The following CCDC6 variants were observed in gnomAD, a reference collection of about 807,000 sequenced individuals.
CCDC6 encodes coiled-coil domain containing 6.
CCDC6 carries 20 observed loss-of-function variants against 56.6 expected under a neutral mutation model. The ratio of observed to expected loss-of-function variants is 0.35; its 90% confidence interval spans 0.25 to 0.51. The LOEUF (loss-of-function observed/expected upper bound fraction) is 0.51, where lower values mean the gene tolerates loss of function less well. CCDC6 is among the 20% of genes least tolerant of loss of function. The pLI, the probability that CCDC6 is intolerant of heterozygous loss-of-function variation, is 0.95. For missense variants in CCDC6, 367 were observed against 601.1 expected (o/e 0.61, Z 4.07); for synonymous variants, 241 against 234.4 (o/e 1.03, Z -0.26).
chr10:59,831,037 G>A (rs1490170617), intron 3 of CCDC6, among the ~76,000 whole-genome samples: 1 of 152,152 alleles, frequency 6.6e-6, no homozygotes, highest in African/African-American at 2.4e-5. Flanking sequence ...GGTGTGTCAG[G>A]GACTTAAACA....
intron 3 of CCDC6, 58 bp from the exon 4 acceptor site, chr10:59,814,813 A>AT: frequency 1.1e-5 from 12 of 1,129,322 alleles, no homozygotes; most frequent in Non-Finnish European, 1.6e-5. Flanking sequence ...TTGTTAATAC[A>AT]TTTTTTGATT....
intron 1 of CCDC6, among the ~76,000 whole-genome samples, chr10:59,857,449 G>A (rs1431247087): frequency 6.6e-6 from 1 of 152,182 alleles, no homozygotes; most frequent in African/African-American, 2.4e-5. Flanking sequence ...TCAAGGGTTA[G>A]TACAGAAAGA....
chr10:59,822,409 T>A (rs958588621), intron 3 of CCDC6, among the ~76,000 whole-genome samples: 1 of 152,238 alleles, frequency 6.6e-6, no homozygotes, highest in African/African-American at 2.4e-5. Context: ...GAAATTTGCA[T>A]ACTGGGTTCA....
chr10:59,871,306 C>T (rs1416144802), intron 1 of CCDC6, among the ~76,000 whole-genome samples: 2 of 151,926 alleles, frequency 1.3e-5, no homozygotes, highest in African/African-American at 4.8e-5. Context: ...GAGCTAAGAA[C>T]ACCGCCTTGT....
chr10:59,798,991 CAAAA>C (rs34505959), intron 7 of CCDC6, among the ~76,000 whole-genome samples: 11 of 76,978 alleles, frequency 1.4e-4, no homozygotes, highest in South Asian at 5.5e-4. Flanking sequence ...AAGACTGTTT[CAAAA>C]AAAAAAAAAA....
At chr10:59,807,115 T>G in intron 5 of CCDC6, 37 bp from the exon 6 acceptor site, 5 of 1,593,824 alleles carry the variant, frequency 3.1e-6, no homozygotes, top group Non-Finnish European at 3.4e-6. Context: ...CCATGTTTCA[T>G]GCAATCATAT....
At chr10:59,838,228 T>TCTCACACA (rs1554884401) in intron 2 of CCDC6, among the ~76,000 whole-genome samples, 6 of 151,096 alleles carry the variant, frequency 4.0e-5, no homozygotes, top group Non-Finnish European at 8.9e-5. Context: ...ATAACAGCTG[T>TCTCACACA]CACACACACA....
At chr10:59,882,769 G>A (rs893340433) in intron 1 of CCDC6, among the ~76,000 whole-genome samples, 1 of 152,150 alleles carries the variant, frequency 6.6e-6, no homozygotes, top group African/African-American at 2.4e-5. Context: ...GACCATTCTG[G>A]GTAACACAGT....
At position 59,862,395 on chromosome 10, in the gene CCDC6, T is replaced by C. The variant is rs182592064; in HGVS notation, c.304-9693A>G. On this transcript the variant is annotated intron_variant, in intron 1 of 8. Coordinates refer to ENST00000263102, the MANE Select transcript of CCDC6 (RefSeq NM_005436.5). ...CTCAGCTACTCAGGAGGTTGAGGCA[T>C]AAGAATCGCTTGAACCCAGGAGGCA... is the stretch of plus-strand genomic sequence containing the variant. 1.0e-4 allele frequency among the ~76,000 whole-genome samples: 15 copies of C among 150,748 alleles called. No homozygotes were observed. In the East Asian group the frequency reaches 2.7e-3, roughly 28 times the overall value.
At chr10:59,903,889 C>G (rs1259129076) in intron 1 of CCDC6, among the ~76,000 whole-genome samples, 1 of 152,176 alleles carries the variant, frequency 6.6e-6, no homozygotes, top group African/African-American at 2.4e-5. Context: ...GCATTACATA[C>G]CTGAGAGGTC....
chr10:59,881,306 G>T (rs1236580436), intron 1 of CCDC6, among the ~76,000 whole-genome samples: 1 of 152,092 alleles, frequency 6.6e-6, no homozygotes, highest in African/African-American at 2.4e-5. Context: ...GCCAGAGTGT[G>T]ATGTGTCCTG....
intron 1 of CCDC6, among the ~76,000 whole-genome samples, chr10:59,882,785 C>T (rs1028575691): frequency 6.6e-6 from 1 of 152,072 alleles, no homozygotes; most frequent in Non-Finnish European, 1.5e-5. Flanking sequence ...ACAGTGAAAC[C>T]CCGCCTCTAG....
chr10:59,821,236 C>T (rs1331399553), intron 3 of CCDC6, among the ~76,000 whole-genome samples: 1 of 152,176 alleles, frequency 6.6e-6, no homozygotes, highest in Admixed American at 6.5e-5. Flanking sequence ...AAGTGACTAA[C>T]AGAATTCATG....
intron 1 of CCDC6, among the ~76,000 whole-genome samples, chr10:59,897,110 G>A (rs1254506626): frequency 6.6e-6 from 1 of 152,086 alleles, no homozygotes; most frequent in Non-Finnish European, 1.5e-5. Context: ...AAGATTAGTA[G>A]GGCTACTAAA....
intron 1 of CCDC6, among the ~76,000 whole-genome samples, chr10:59,894,854 T>C (rs184935492): frequency 2.6e-5 from 4 of 152,226 alleles, no homozygotes; most frequent in Admixed American, 2.6e-4. Context: ...TAGTGTTATT[T>C]CTTTTCCAAG....
At chr10:59,834,705 A>G (rs2070866689) in intron 2 of CCDC6, among the ~76,000 whole-genome samples, 1 of 152,140 alleles carries the variant, frequency 6.6e-6, no homozygotes, top group Admixed American at 6.5e-5. Context: ...TCTTGCAGGG[A>G]CCCAAGAGAA....
chr10:59,826,429 C>A (rs1375261883), intron 3 of CCDC6, among the ~76,000 whole-genome samples: 1 of 152,184 alleles, frequency 6.6e-6, no homozygotes, highest in East Asian at 1.9e-4. Flanking sequence ...CTGCATCAAT[C>A]TCAGAGCAGC....
At chr10:59,827,915 A>G (rs1401941668) in intron 3 of CCDC6, among the ~76,000 whole-genome samples, 2 of 152,286 alleles carry the variant, frequency 1.3e-5, no homozygotes, top group East Asian at 3.9e-4. Context: ...GTACTACTTA[A>G]TAACCATGGA....
intron 1 of CCDC6, among the ~76,000 whole-genome samples, chr10:59,897,251 G>A (rs1239103161): frequency 6.6e-6 from 1 of 151,892 alleles, no homozygotes. Flanking sequence ...TGGTATATTA[G>A]GATAATTTTT....
Sources: gnomAD v4.1 joint callset for allele counts (sites outside exome capture counted in the v4.1 genomes callset) on GRCh38, gnomAD v4.1.1 for gene constraint, MANE v1.5 for transcripts, NCBI Gene and HGNC (gene_info 2026-07-23, HGNC 2026-07-21) for gene names.